Variants in ZNF320 observed in about 807,000 individuals in gnomAD.
The protein encoded by ZNF320 is zinc finger protein 320.
ZNF320 carries 2 observed loss-of-function variants against 6.8 expected under a neutral mutation model. The observed-to-expected ratio is 0.29, with a 90% CI of 0.12 to 0.93. The LOEUF (loss-of-function observed/expected upper bound fraction) is 0.93, where lower values mean the gene tolerates loss of function less well. ZNF320 is among the 40% of genes least tolerant of loss of function. The probability of loss-of-function intolerance (pLI) is 0.55; values close to 1 mark genes in which losing one functional copy is unlikely to be tolerated. For missense variants in ZNF320, 472 were observed against 611.0 expected, an observed-to-expected ratio of 0.77 and a Z score of 2.40; for synonymous variants, 208 against 203.2, an observed-to-expected ratio of 1.02 and a Z score of -0.20.
chr19:52,881,101 G>A lies in ZNF320; in HGVS notation c.1025C>T (p.Ser342Leu), dbSNP rs2063903749. Reference protein sequence around the residue: ...EECDKVFSRKSHLERHRRIHT... With the variant: ...EECDKVFSRKLHLERHRRIHT... ...AATCCTCCTATGTCTTTCAAGATGT[G>A]ATTTGCGACTGAAAACTTTGTCGCA... Residue 342 changes from serine (S) to leucine (L), a missense_variant, in exon 6 of 6, where the codon TCA becomes TTA. Around this residue, in one of 2 missense-constraint regions of ZNF320, gnomAD observed 462 missense variants for 559.7 expected, o/e 0.83. Transcript: ENST00000682928. The A allele has an allele frequency of 2.5e-6, 4 of 1,614,132 alleles. No individual in the cohort carries two copies. Among genetic ancestry groups the A allele is most frequent in the South Asian group, 1.1e-5 (1 of 91,088 alleles).
At chr19:52,864,742 G>T (rs191788081) in intron 5 of ZNF320, among the ~76,000 whole-genome samples, 1 of 152,112 alleles carries the variant, frequency 6.6e-6, no homozygotes, top group African/African-American at 2.4e-5. Flanking sequence ...GGCCAGGTGC[G>T]GTGGCTCACG....
chr19:52,899,439 G>C (rs2064559236), upstream of ZNF320, among the ~76,000 whole-genome samples: 1 of 152,128 alleles, frequency 6.6e-6, no homozygotes, highest in Admixed American at 6.6e-5. Context: ...GTAGTCGAGA[G>C]CTAGTCTATT....
rs1393136295 is a variant in ZNF320 at position 52,880,597 on chromosome 19, C to CA, written c.1528dup (p.Ter510LeufsTer9). 2 of 1,592,542 alleles carry CA rather than the reference C, an allele frequency of 1.3e-6. No homozygotes were observed. Among genetic ancestry groups the CA allele is most frequent in the Non-Finnish European group, 1.7e-6 (2 of 1,171,250 alleles). On this transcript the variant is annotated frameshift_variant and stop_lost, in exon 6 of 6. Transcript: ENST00000682928. LOFTEE classifies it high-confidence loss of function. ...GTCAATGCTGATTTGACTCTGATGTCAATTAATGCTTGATGGTTTGCTATA... is the reference window on the plus strand; with the variant it reads ...GTCAATGCTGATTTGACTCTGATGTCAAATTAATGCTTGATGGTTTGCTATA...
downstream of ZNF320, among the ~76,000 whole-genome samples, chr19:52,871,272 T>A (rs762854413): frequency 6.6e-6 from 1 of 152,166 alleles, no homozygotes; most frequent in Non-Finnish European, 1.5e-5. Context: ...AAACTCTAAA[T>A]TGTGCCATTG....
At chr19:52,860,197 C>T (rs1419321659), downstream of ZNF320, among the ~76,000 whole-genome samples, 1 of 152,152 alleles carries the variant, frequency 6.6e-6, no homozygotes, top group South Asian at 2.1e-4. Flanking sequence ...CAGGCGTGAG[C>T]CACTGCACCT....
chr19:52,861,786 G>T, exon 6 of ZNF320: 1 of 339,354 alleles, frequency 2.9e-6, no homozygotes, highest in Non-Finnish European at 6.0e-6. Flanking sequence ...TGAATTTTCT[G>T]ATGTTCTGCA....
chr19:52,903,535 C>T, the ZNF320 span, among the ~76,000 whole-genome samples: 2 of 152,098 alleles, frequency 1.3e-5, no homozygotes, highest in East Asian at 1.9e-4. Context: ...AGGGACCCAT[C>T]CAGGCTTCCT....
chr19:52,866,731 C>T (rs2063579201), intron 5 of ZNF320, among the ~76,000 whole-genome samples: 1 of 151,938 alleles, frequency 6.6e-6, no homozygotes, highest in Non-Finnish European at 1.5e-5. Context: ...ATTAGCCAAG[C>T]ATGATGGCAC....
chr19:52,900,119 G>A (rs142107181), upstream of ZNF320, among the ~76,000 whole-genome samples: 1,315 of 152,264 alleles, frequency 8.6e-3, 20 homozygotes, highest in African/African-American at 0.03. Context: ...AGCTTAGCAT[G>A]AGCTCTGTCT....
chr19:52,897,713 G>A (rs1373549371), upstream of ZNF320: 3 of 152,490 alleles, frequency 2.0e-5, no homozygotes, highest in African/African-American at 7.2e-5. Flanking sequence ...GCGCAGGACA[G>A]AGGCCAGGCC....
chr19:52,862,855 G>A, exon 6 of ZNF320: 1 of 335,868 alleles, frequency 3.0e-6, no homozygotes, highest in Non-Finnish European at 6.0e-6. Context: ...TCTCCAGTAT[G>A]AATTGCCTTG....
chr19:52,872,710 C>G (rs1469039651), downstream of ZNF320, among the ~76,000 whole-genome samples: 1 of 152,032 alleles, frequency 6.6e-6, no homozygotes, highest in Non-Finnish European at 1.5e-5. Context: ...ACCGTGTTAA[C>G]CAGGATGGTC....
At position 52,880,561 on chromosome 19, in the gene ZNF320, C is replaced by T. The variant is rs1282535739; in HGVS notation, c.*35G>A. On this transcript the variant is annotated 3_prime_UTR_variant, in exon 6 of 6. Transcript: ENST00000682928. ...ATGCTTGAAATCAATGTTAAGTCAA[C>T]TCAAACTCAGGTCAATGCTGATTTG... 3.9e-6 allele frequency: 6 copies of T among 1,552,670 alleles called. No individual in the cohort carries two copies. The highest frequency in any genetic ancestry group is 1.2e-5 in the South Asian group (1 of 80,316).
downstream of ZNF320, among the ~76,000 whole-genome samples, chr19:52,871,684 G>A (rs2063683514): frequency 6.6e-6 from 1 of 152,246 alleles, no homozygotes; most frequent in East Asian, 1.9e-4. Context: ...AGCTGCAGGT[G>A]TTTAAAACAC....
intron 5 of ZNF320, among the ~76,000 whole-genome samples, chr19:52,887,013 A>AAAC (rs57262460): frequency 1.3e-4 from 19 of 143,350 alleles, no homozygotes; most frequent in African/African-American, 4.5e-4. Flanking sequence ...AAGGAAAAGA[A>AAAC]AAAACAAAAC....
chr19:52,880,430 A>T lies in ZNF320; in HGVS notation c.*166T>A. ...TGGCCAGGCTGGTCTCAAATTCATG[A>T]CCTCAAGTGACCTACCTGTCTTGGC... On this transcript the variant is annotated 3_prime_UTR_variant, in exon 6 of 6. Transcript: ENST00000682928. 1.7e-6 allele frequency: 1 copy of T among 582,362 alleles called. No homozygotes were observed. Among genetic ancestry groups the T allele is most frequent in the Non-Finnish European group, 2.9e-6 (1 of 348,698 alleles). The allele number at this position is 582,362 out of a possible 1,614,324, so 36.1% of individuals were successfully genotyped here.
chr19:52,882,753 CAACATGG>C (rs1258370904), intron 5 of ZNF320, among the ~76,000 whole-genome samples: 1 of 152,052 alleles, frequency 6.6e-6, no homozygotes, highest in Non-Finnish European at 1.5e-5. Context: ...CCAACCTGGC[CAACATGG>C]CGAAGCCCTG....
chr19:52,892,242 T>C (rs2064317732), intron 2 of ZNF320: 1 of 152,042 alleles, frequency 6.6e-6, no homozygotes, highest in African/African-American at 2.4e-5. Context: ...GGCTCATGGT[T>C]GTAATCCCAG....
upstream of ZNF320, among the ~76,000 whole-genome samples, chr19:52,898,140 G>A (rs1462329189): frequency 6.6e-6 from 1 of 152,218 alleles, no homozygotes; most frequent in Non-Finnish European, 1.5e-5. Context: ...CTCTGCCTCA[G>A]CGAAACCTCC....
Sources: allele counts gnomAD v4.1 joint callset (sites outside exome capture counted in the v4.1 genomes callset), GRCh38; gene constraint gnomAD v4.1.1; regional missense constraint gnomAD v4.1.1; transcripts MANE v1.5; gene names NCBI Gene and HGNC (gene_info 2026-07-23, HGNC 2026-07-21).